Variants in ASPH observed in about 807,000 individuals in gnomAD.
ASPH encodes the protein aspartate beta-hydroxylase.
A neutral mutation model predicts 118.4 loss-of-function variants in ASPH; 100 were observed. The ratio of observed to expected loss-of-function variants is 0.84; its 90% confidence interval spans 0.72 to 1.00. ASPH has a LOEUF of 1.00. Ranked by LOEUF, ASPH falls within the 50% of genes least tolerant of loss-of-function variation. ASPH has a pLI of 0.00. For missense variants in ASPH, 920 were observed against 919.5 expected (o/e 1.00, Z -0.01); for synonymous variants, 315 against 325.6 (o/e 0.97, Z 0.35).
chr8:61,537,827 CT>C (rs1174555737), intron 21 of ASPH, among the ~76,000 whole-genome samples: 5 of 151,276 alleles, frequency 3.3e-5, no homozygotes, highest in East Asian at 3.9e-4. Context: ...ATTTGTAGGT[CT>C]TTTTTTTTCT....
intron 22 of ASPH, 84 bp from the exon 23 acceptor site, chr8:61,518,207 C>T: frequency 8.7e-7 from 1 of 1,143,800 alleles, no homozygotes; most frequent in Non-Finnish European, 1.3e-6. Context: ...AGCTATATGT[C>T]ATCCTCACTG....
rs752977977 is a variant in ASPH at position 61,525,035 on chromosome 8, T to C, written c.1900+942A>G. On this transcript the variant is annotated intron_variant, in intron 22 of 24. Transcript: ENST00000379454. ...ACACTTTTCTTTATGGTTCTCTCTC[T>C]TTAGATGGAAGTATCCCTGAAAACA... is the stretch of plus-strand genomic sequence containing the variant. Among the ~76,000 whole-genome samples, 21 of 152,324 alleles carry C rather than the reference T, an allele frequency of 1.4e-4. No homozygotes were observed. In the East Asian group the frequency reaches 2.9e-3, roughly 21 times the overall value.
chr8:61,624,144 T>C, intron 13 of ASPH: 1 of 792,548 alleles, frequency 1.3e-6, no homozygotes, highest in Non-Finnish European at 1.5e-6. Context: ...CCAACAATAA[T>C]TTATTGTACA....
chr8:61,616,531 T>C (rs1231922615), intron 14 of ASPH, among the ~76,000 whole-genome samples: 1 of 152,190 alleles, frequency 6.6e-6, no homozygotes, highest in Non-Finnish European at 1.5e-5. Flanking sequence ...GGGCTCTGTT[T>C]GGTACACAGA....
At chr8:61,528,289 G>A (rs990725699) in intron 21 of ASPH, among the ~76,000 whole-genome samples, 9 of 152,082 alleles carry the variant, frequency 5.9e-5, no homozygotes, top group Non-Finnish European at 1.0e-4. Flanking sequence ...AAAACCCCAA[G>A]ACCATGGAAA....
chr8:61,689,737 A>C (rs752741231), intron 1 of ASPH: 7 of 1,042,190 alleles, frequency 6.7e-6, no homozygotes, highest in Non-Finnish European at 9.3e-6. Context: ...AAAACAAAAC[A>C]AAAAAAAAAA....
intron 21 of ASPH, among the ~76,000 whole-genome samples, chr8:61,537,498 T>C (rs1289953459): frequency 6.6e-6 from 1 of 152,040 alleles, no homozygotes; most frequent in Non-Finnish European, 1.5e-5. Context: ...GCATCCCAAA[T>C]AGTTGGGACT....
intron 14 of ASPH, among the ~76,000 whole-genome samples, chr8:61,612,728 A>G (rs1847841825): frequency 6.6e-6 from 1 of 152,204 alleles, no homozygotes; most frequent in Non-Finnish European, 1.5e-5. Flanking sequence ...TCCAATATAC[A>G]TTTAATTATA....
chr8:61,689,564 C>G, intron 1 of ASPH: 2 of 1,046,250 alleles, frequency 1.9e-6, no homozygotes, highest in Non-Finnish European at 2.8e-6. Context: ...GTAGACAGTA[C>G]AGTCAAAGCA....
At chr8:61,560,222 A>T (rs994458848) in intron 18 of ASPH, among the ~76,000 whole-genome samples, 5 of 152,156 alleles carry the variant, frequency 3.3e-5, no homozygotes, top group African/African-American at 1.2e-4. Flanking sequence ...GAGTGGCATG[A>T]AACTCCCCAC....
intron 14 of ASPH, among the ~76,000 whole-genome samples, chr8:61,592,317 T>C (rs1047044535): frequency 1.1e-4 from 17 of 152,376 alleles, no homozygotes; most frequent in Middle Eastern, 3.4e-3. Flanking sequence ...CTCTTATTAA[T>C]AAATGTTTAA....
chr8:61,606,641 G>A (rs1227387833), intron 14 of ASPH: 2 of 152,124 alleles, frequency 1.3e-5, no homozygotes, highest in Admixed American at 6.5e-5. Flanking sequence ...TTATCATGAA[G>A]CAGGAATGGG....
intron 14 of ASPH, among the ~76,000 whole-genome samples, chr8:61,584,967 T>C (rs1317748812): frequency 6.6e-6 from 1 of 152,260 alleles, no homozygotes; most frequent in Non-Finnish European, 1.5e-5. Context: ...TGCTCCACTG[T>C]GTGCGTCTTT....
intron 14 of ASPH, among the ~76,000 whole-genome samples, chr8:61,617,932 C>CA (rs10674052): frequency 0.56 from 48,707 of 87,576 alleles, 11,687 homozygotes; most frequent in Middle Eastern, 0.6. Context: ...GACGCCATCT[C>CA]AAAAAAAAAA....
chr8:61,564,019 A>C (rs1260398232), intron 17 of ASPH, among the ~76,000 whole-genome samples: 2 of 152,148 alleles, frequency 1.3e-5, no homozygotes, highest in Non-Finnish European at 2.9e-5. Context: ...GACTACATTC[A>C]AATGCTGATG....
chr8:61,676,682 A>G (rs1455135227), intron 3 of ASPH, among the ~76,000 whole-genome samples: 1 of 152,086 alleles, frequency 6.6e-6, no homozygotes, highest in Non-Finnish European at 1.5e-5. Context: ...AGTATCAGGG[A>G]AAAAAAGATA....
chr8:61,580,462 T>C (rs1837155367), intron 15 of ASPH, among the ~76,000 whole-genome samples: 2 of 152,232 alleles, frequency 1.3e-5, no homozygotes. Flanking sequence ...AGGCCCAGTA[T>C]TGAAATCTGT....
intron 20 of ASPH, among the ~76,000 whole-genome samples, chr8:61,552,481 T>C (rs1035236289): frequency 1.3e-5 from 2 of 152,206 alleles, no homozygotes; most frequent in Non-Finnish European, 2.9e-5. Context: ...TTAAACTTGG[T>C]ATTAAATATT....
At chr8:61,583,910 C>T (rs1838429716) in intron 15 of ASPH, 34 bp downstream of exon 15, 2 of 1,372,878 alleles carry the variant, frequency 1.5e-6, no homozygotes, top group Admixed American at 2.2e-5. Flanking sequence ...GTTTATTTAA[C>T]AACAAAACCA....
Sources: allele counts gnomAD v4.1 joint callset (sites outside exome capture counted in the v4.1 genomes callset), GRCh38; gene constraint gnomAD v4.1.1; transcripts MANE v1.5; gene names NCBI Gene and HGNC (gene_info 2026-07-23, HGNC 2026-07-21).